Variants in PLAGL1 observed in about 807,000 individuals in gnomAD.
The protein encoded by PLAGL1 is zinc finger protein PLAGL1.
Under a neutral mutation model 4.6 loss-of-function variants are expected in PLAGL1, and 1 was observed. That is an observed-to-expected ratio of 0.22 (90% CI 0.08 to 1.03). PLAGL1 has a LOEUF of 1.03. Among genes scored for constraint, PLAGL1 ranks in the 50% least tolerant of loss-of-function variants. PLAGL1 has a pLI of 0.58. For synonymous variants in PLAGL1, 240 were observed against 237.8 expected, an observed-to-expected ratio of 1.01 and a Z score of -0.08; for missense variants, 464 against 570.4, an observed-to-expected ratio of 0.81 and a Z score of 1.90.
Position 143,970,136 on chromosome 6 carries a change from C to A in PLAGL1, c.-543-1158G>T, listed in dbSNP as rs974272882. On this transcript the variant is annotated intron_variant, in intron 2 of 7. Transcript: ENST00000674357. This position sits in a 1 kb window ranked among gnomAD's most constrained non-coding sequence, Gnocchi z 5.8. ...CTAAGTAACCTCCTTCTCTGAGTAG[C>A]CCACATTTGTGCCTTGACCAAAAAG... Among the ~76,000 whole-genome samples the A allele has an allele frequency of 6.6e-6, 1 of 152,172 alleles. No homozygotes were observed. Among genetic ancestry groups the A allele is most frequent in the Non-Finnish European group, 1.5e-5 (1 of 68,032 alleles).
At position 144,063,701 on chromosome 6, in the gene PLAGL1, G is replaced by T. The variant is rs1185951174; in HGVS notation, c.-151+767C>A. 6.6e-6 allele frequency among the ~76,000 whole-genome samples: 1 copy of T among 152,138 alleles called. No individual in the cohort carries two copies. Among genetic ancestry groups the T allele is most frequent in the Non-Finnish European group, 1.5e-5 (1 of 68,006 alleles). ...CGCGCTCCTAGACCCATGAACACTC[G>T]GGAAGCCCCAGGGGTATCTCTGTCC... On this transcript the variant is annotated intron_variant, in intron 1 of 3. Coordinates refer to the PLAGL1 transcript ENST00000437412. This position sits in a 1 kb window ranked among gnomAD's most constrained non-coding sequence, Gnocchi z 5.7.
chr6:144,060,661 C>T (rs1467778590), intron 1 of PLAGL1, among the ~76,000 whole-genome samples: 1 of 152,176 alleles, frequency 6.6e-6, no homozygotes, highest in Non-Finnish European at 1.5e-5. Flanking sequence ...ATTCTTTACA[C>T]TTTCCTGTGT....
chr6:144,030,213 C>T (rs2128706827), intron 1 of PLAGL1, among the ~76,000 whole-genome samples: 1 of 133,232 alleles, frequency 7.5e-6, no homozygotes, highest in East Asian at 2.3e-4. Context: ...CGAGATTGCG[C>T]CACTGCACTC....
chr6:144,004,738 T>C lies in PLAGL1; in HGVS notation c.-584+3352A>G, dbSNP rs991603703. On this transcript the variant is annotated intron_variant, in intron 1 of 7. Transcript: ENST00000674357. This position sits in a 1 kb window ranked among gnomAD's most constrained non-coding sequence, Gnocchi z 4.2. ...AAATTATAGAACTAAAAAACATATG[T>C]AGAATTCAACATGGATAAAAAATAT... 6.6e-6 allele frequency among the ~76,000 whole-genome samples: 1 copy of C among 152,106 alleles called. No individual in the cohort carries two copies. Among genetic ancestry groups the C allele is most frequent in the Non-Finnish European group, 1.5e-5 (1 of 68,012 alleles).
chr6:143,964,196 G>A lies in PLAGL1; in HGVS notation c.-399+591C>T, dbSNP rs1562443835. Reference sequence around the variant, plus strand: ...GTAGAATCCTTGAGAAGACAGCTACGTGAAGAGTGTGCCTCGGGAGGCCAG... The same window carrying A: ...GTAGAATCCTTGAGAAGACAGCTACATGAAGAGTGTGCCTCGGGAGGCCAG... On this transcript the variant is annotated intron_variant, in intron 5 of 7. Coordinates refer to ENST00000674357, the MANE Select transcript of PLAGL1 (RefSeq NM_001317162.2). The surrounding 1 kb of genome is among the most constrained non-coding windows in gnomAD (Gnocchi z 4.3). Among the ~76,000 whole-genome samples the A allele has an allele frequency of 6.6e-6, 1 of 152,268 alleles. No individual in the cohort carries two copies. The highest frequency in any genetic ancestry group is 1.5e-5 in the Non-Finnish European group (1 of 68,012).
intron 1 of PLAGL1, among the ~76,000 whole-genome samples, chr6:144,001,258 G>A (rs1792815765): frequency 6.6e-6 from 1 of 151,826 alleles, no homozygotes; most frequent in African/African-American, 2.4e-5. Context: ...TGCCAAAGCT[G>A]GAACAATTTA....
chr6:144,019,668 C>T (rs866603679), intron 1 of PLAGL1, among the ~76,000 whole-genome samples: 3 of 151,682 alleles, frequency 2.0e-5, no homozygotes, highest in African/African-American at 4.8e-5. Flanking sequence ...TAACCTCAAT[C>T]GGTTCAGCAA....
rs1465307514 is a variant in PLAGL1, at chr6:143,952,752, C to T, written c.-324-4292G>A. ...ACATTCTTAAAATAAACTGTGACTT[C>T]TGGCATCTATTTCCATTGTCCTCAG... On this transcript the variant is annotated intron_variant, in intron 6 of 7. Transcript: ENST00000674357. The surrounding 1 kb of genome is among the most constrained non-coding windows in gnomAD (Gnocchi z 6.1). 1.3e-5 allele frequency among the ~76,000 whole-genome samples: 2 copies of T among 152,198 alleles called. No individual in the cohort carries two copies. Among genetic ancestry groups the T allele is most frequent in the African/African-American group, 4.8e-5 (2 of 41,446 alleles).
At chr6:143,998,245 A>G (rs1792102145) in intron 1 of PLAGL1, among the ~76,000 whole-genome samples, 2 of 152,210 alleles carry the variant, frequency 1.3e-5, no homozygotes, top group South Asian at 4.1e-4. Context: ...TCTATAGTAT[A>G]TTGGCAATGA....
Position 143,960,315 on chromosome 6 carries a change from C to T in PLAGL1, c.-325+154G>A, listed in dbSNP as rs540242621. ...GAAAGGGCTAAAAGAACCCTGTTCTCGGGTATTCTGCAGTTTGTGGAGGAA... is the reference window on the plus strand; with the variant it reads ...GAAAGGGCTAAAAGAACCCTGTTCTTGGGTATTCTGCAGTTTGTGGAGGAA... On this transcript the variant is annotated intron_variant, in intron 6 of 7. Coordinates refer to ENST00000674357, the MANE Select transcript of PLAGL1 (RefSeq NM_001317162.2). The surrounding 1 kb of genome is among the most constrained non-coding windows in gnomAD (Gnocchi z 5.7). Among the ~76,000 whole-genome samples the T allele has an allele frequency of 3.9e-5, 6 of 152,314 alleles. No individual in the cohort carries two copies. The East Asian group carries it at 7.7e-4, about 20-fold the overall frequency.
At chr6:144,032,998 C>T (rs937761846) in intron 1 of PLAGL1, among the ~76,000 whole-genome samples, 1 of 152,178 alleles carries the variant, frequency 6.6e-6, no homozygotes, top group Admixed American at 6.5e-5. Flanking sequence ...TGATGAAGGA[C>T]CACATGCTAT....
intron 1 of PLAGL1, among the ~76,000 whole-genome samples, chr6:144,001,331 T>C (rs1792836015): frequency 1.3e-5 from 2 of 151,996 alleles, no homozygotes; most frequent in African/African-American, 2.4e-5. Flanking sequence ...TCAATATACA[T>C]GGATATAAAT....
chr6:143,955,330 T>C lies in PLAGL1; in HGVS notation c.-325+5139A>G, dbSNP rs1185570593. 6.6e-6 allele frequency among the ~76,000 whole-genome samples: 1 copy of C among 152,110 alleles called. No individual in the cohort carries two copies. Among genetic ancestry groups the C allele is most frequent in the Non-Finnish European group, 1.5e-5 (1 of 68,020 alleles). On this transcript the variant is annotated intron_variant, in intron 6 of 7. Transcript: ENST00000674357. This position sits in a 1 kb window ranked among gnomAD's most constrained non-coding sequence, Gnocchi z 4.9. ...AGTAAGACTGGAATACAGGTGCAGA[T>C]GTGGGCAAAGGAGAAAACAGGCTAG...
chr6:143,941,640 A>G lies in PLAGL1; in HGVS notation c.1176T>C (p.Pro392=). The change falls in exon 8 of 8, where the codon CCT becomes CCC. Residue 392 remains proline (P), a synonymous_variant. Transcript: ENST00000674357. This position sits in a 1 kb window ranked among gnomAD's most constrained non-coding sequence, Gnocchi z 6.0. The part of the protein sequence containing the change: ...PLLGFWQLPP[P]ATQNTFGNST... ...TATTCCCAAAGGTATTTTGGGTAGC[A>G]GGAGGGGGCAGCTGCCAGAAGCCCA... 1 of 1,614,184 alleles carries G rather than the reference A, an allele frequency of 6.2e-7. No homozygotes were observed.
Position 144,050,612 on chromosome 6 carries a change from A to G in PLAGL1, c.-151+13856T>C, listed in dbSNP as rs766861625. Among the ~76,000 whole-genome samples, 3 of 152,228 alleles carry G rather than the reference A, an allele frequency of 2.0e-5. No individual in the cohort carries two copies. The highest frequency in any genetic ancestry group is 4.4e-5 in the Non-Finnish European group (3 of 68,034). ...TGATATTTATACACATCTCTGTGTC[A>G]GGTGCAGTGGCTCATGTCTATAATC... On this transcript the variant is annotated intron_variant, in intron 1 of 3. Transcript: ENST00000437412. The surrounding 1 kb of genome is among the most constrained non-coding windows in gnomAD (Gnocchi z 4.3).
chr6:143,983,321 G>A lies in PLAGL1; in HGVS notation c.-544+1814C>T, dbSNP rs1373632460. Among the ~76,000 whole-genome samples the A allele has an allele frequency of 6.6e-6, 1 of 152,172 alleles. No homozygotes were observed. The highest frequency in any genetic ancestry group is 1.5e-5 in the Non-Finnish European group (1 of 68,026). On this transcript the variant is annotated intron_variant, in intron 2 of 7. Transcript: ENST00000674357. This position sits in a 1 kb window ranked among gnomAD's most constrained non-coding sequence, Gnocchi z 6.6. ...TTTGGTGGAATGCCCAGACAGAACT[G>A]AGAAATTGTGTAAAAGGAAGCAGGG...
rs1781397986 is a variant in PLAGL1, at chr6:143,953,057, C to T, written c.-324-4597G>A. Among the ~76,000 whole-genome samples, 1 of 152,240 alleles carries T rather than the reference C, an allele frequency of 6.6e-6. No homozygotes were observed. Among genetic ancestry groups the T allele is most frequent in the African/African-American group, 2.4e-5 (1 of 41,466 alleles). On this transcript the variant is annotated intron_variant, in intron 6 of 7. Coordinates refer to ENST00000674357, the MANE Select transcript of PLAGL1 (RefSeq NM_001317162.2). The surrounding 1 kb of genome is among the most constrained non-coding windows in gnomAD (Gnocchi z 5.3). ...CTGTTTCCTTAAAGTGCTACTTTCTCTCACGCTTCTGGCTTTCTCCCTCCT... is the reference window on the plus strand; with the variant it reads ...CTGTTTCCTTAAAGTGCTACTTTCTTTCACGCTTCTGGCTTTCTCCCTCCT...
At chr6:144,028,492 A>G (rs1384556222) in intron 1 of PLAGL1, among the ~76,000 whole-genome samples, 1 of 152,216 alleles carries the variant, frequency 6.6e-6, no homozygotes, top group Non-Finnish European at 1.5e-5. Flanking sequence ...GCCTAATTTT[A>G]AAAGAAAGTC....
rs1383629456 is a variant in PLAGL1 at position 144,063,924 on chromosome 6, C to T, written c.-151+544G>A. On this transcript the variant is annotated intron_variant, in intron 1 of 3. Coordinates refer to the PLAGL1 transcript ENST00000437412. The surrounding 1 kb of genome is among the most constrained non-coding windows in gnomAD (Gnocchi z 5.7). ...CCCGGAGTCTGCGGGGACCTCCCCGCCGCAACTCGGTCACTTTGTTCCCAT... is the reference window on the plus strand; with the variant it reads ...CCCGGAGTCTGCGGGGACCTCCCCGTCGCAACTCGGTCACTTTGTTCCCAT... 6.6e-6 allele frequency among the ~76,000 whole-genome samples: 1 copy of T among 152,232 alleles called. No homozygotes were observed. Among genetic ancestry groups the T allele is most frequent in the Non-Finnish European group, 1.5e-5 (1 of 68,040 alleles).
Sources: allele counts gnomAD v4.1 joint callset (sites outside exome capture counted in the v4.1 genomes callset), GRCh38; gene constraint gnomAD v4.1.1; non-coding constraint Gnocchi (gnomAD v3.1); transcripts MANE v1.5; gene names NCBI Gene and HGNC (gene_info 2026-07-23, HGNC 2026-07-21).